Variants in TULP4 observed in about 807,000 individuals in gnomAD.
The protein encoded by TULP4 is TUB like protein 4.
In TULP4, 16 loss-of-function variants were observed where a neutral mutation model predicts 129.0. That is an observed-to-expected ratio of 0.12 (90% confidence interval 0.08 to 0.19). TULP4 has a LOEUF of 0.19. TULP4 is among the 10% of genes least tolerant of loss of function. The pLI, the probability that TULP4 is intolerant of heterozygous loss-of-function variation, is 1.00. For synonymous variants in TULP4, 998 were observed against 854.0 expected (o/e 1.17, Z -2.94); for missense variants, 1,842 against 2,059.1 (o/e 0.89, Z 2.04).
upstream of TULP4, among the ~76,000 whole-genome samples, chr6:158,279,655 G>T (rs940627026): frequency 2.0e-5 from 3 of 152,152 alleles, no homozygotes; most frequent in African/African-American, 7.2e-5. Context: ...AGAAAATGGA[G>T]ACTCTCTCTC....
chr6:158,344,404 T>G (rs1452534149), intron 1 of TULP4, among the ~76,000 whole-genome samples: 1 of 152,226 alleles, frequency 6.6e-6, no homozygotes, highest in East Asian at 1.9e-4. Flanking sequence ...ATAGTGTGTT[T>G]TTTACAAATT....
Position 158,391,094 on chromosome 6 carries a change from G to A in TULP4, c.253-21971G>A, listed in dbSNP as rs79828407. Reference sequence around the variant, plus strand: ...CAACTCTAAAAAATAATAATAATAAGATGAAAATGAAGAAATAAAATGAAA... The same window carrying A: ...CAACTCTAAAAAATAATAATAATAAAATGAAAATGAAGAAATAAAATGAAA... On this transcript the variant is annotated intron_variant, in intron 1 of 13. Coordinates refer to ENST00000367097, the MANE Select transcript of TULP4 (RefSeq NM_020245.5). Among the ~76,000 whole-genome samples, 557 of 152,146 alleles carry A rather than the reference G, an allele frequency of 3.7e-3. 3 individuals are homozygous for A. The highest frequency in any genetic ancestry group is 0.013 in the African/African-American group (527 of 41,494).
chr6:158,504,185 C>T lies in TULP4; in HGVS notation c.4515+7C>T. On this transcript the variant is annotated splice_region_variant and intron_variant, in intron 13 of 13. Coordinates refer to ENST00000367097, the MANE Select transcript of TULP4 (RefSeq NM_020245.5). Reference sequence around the variant, plus strand: ...TGAGTTAGAGGGGCGGCAGGTAAGACCTCAGACCAGGTGGCGCTGCGAGCC... The same window carrying T: ...TGAGTTAGAGGGGCGGCAGGTAAGATCTCAGACCAGGTGGCGCTGCGAGCC... 6.4e-7 allele frequency: 1 copy of T among 1,558,868 alleles called. No homozygotes were observed. The highest frequency in any genetic ancestry group is 1.2e-5 in the South Asian group (1 of 84,632).
At chr6:158,403,507 T>G (rs370657751) in intron 1 of TULP4, among the ~76,000 whole-genome samples, 3 of 152,288 alleles carry the variant, frequency 2.0e-5, no homozygotes, top group African/African-American at 7.2e-5. Context: ...GCCCGGCTAA[T>G]TTTTGTATTT....
At chr6:158,373,915 T>C (rs1248831843) in intron 1 of TULP4, among the ~76,000 whole-genome samples, 6 of 152,134 alleles carry the variant, frequency 3.9e-5, no homozygotes, top group Admixed American at 3.9e-4. Flanking sequence ...ACCTTACTAA[T>C]GAGAATAGGG....
chr6:158,506,222 CTTTTTTTTTTTTTT>C lies in TULP4; in HGVS notation c.4516-341_4516-328del, dbSNP rs61292138. 8.8e-4 allele frequency among the ~76,000 whole-genome samples: 49 copies of C among 55,502 alleles called. 1 individual carries two copies. Among genetic ancestry groups the C allele is most frequent in the Non-Finnish European group, 1.3e-3 (38 of 30,222 alleles). 36.4% of individuals were successfully genotyped at this position (55,502 alleles called of 152,430 possible). On this transcript the variant is annotated intron_variant, in intron 13 of 13. Transcript: ENST00000367097. ...CGGCTGTCGCCTTGCTCGCCTTGTT[CTTTTTTTTTTTTTT>C]TTTTTTTTTTTTTTGAGATGAAGTC...
chr6:158,244,809 T>C (rs565316378), intron 1 of TULP4, among the ~76,000 whole-genome samples: 6 of 152,218 alleles, frequency 3.9e-5, no homozygotes, highest in African/African-American at 1.2e-4. Flanking sequence ...CTGGGCAACA[T>C]AGCGAGACTT....
chr6:158,451,253 C>A (rs1363651312), intron 4 of TULP4, among the ~76,000 whole-genome samples: 1 of 152,168 alleles, frequency 6.6e-6, no homozygotes, highest in Admixed American at 6.5e-5. Flanking sequence ...TCACCTTTCA[C>A]GTGCAACAGG....
intron 1 of TULP4, among the ~76,000 whole-genome samples, chr6:158,275,684 C>G (rs1298026301): frequency 6.6e-6 from 1 of 151,996 alleles, no homozygotes; most frequent in Non-Finnish European, 1.5e-5. Flanking sequence ...AGCATGGAGC[C>G]CAAGGAAATA....
intron 1 of TULP4, among the ~76,000 whole-genome samples, chr6:158,402,888 GTTT>G (rs34604658): frequency 0.025 from 3,158 of 127,936 alleles, 106 homozygotes; most frequent in African/African-American, 0.083. Flanking sequence ...GGCTTTGGGA[GTTT>G]TTTTTTTTTT....
chr6:158,490,748 CAT>C (rs1780180618), intron 9 of TULP4, among the ~76,000 whole-genome samples: 1 of 151,930 alleles, frequency 6.6e-6, no homozygotes, highest in South Asian at 2.1e-4. Context: ...TCTTAAACTT[CAT>C]ATGATATGTC....
intron 1 of TULP4, among the ~76,000 whole-genome samples, chr6:158,248,640 C>T (rs900751198): frequency 1.3e-5 from 2 of 152,016 alleles, no homozygotes; most frequent in African/African-American, 2.4e-5. Context: ...ACTCGGAGGC[C>T]TGAGGTGGGA....
intron 1 of TULP4, among the ~76,000 whole-genome samples, chr6:158,256,585 A>T (rs553832100): frequency 6.6e-6 from 1 of 152,178 alleles, no homozygotes; most frequent in Admixed American, 6.5e-5. Context: ...ACTTTTTAGC[A>T]TTTCCAAAAG....
rs1410271810 is a variant in TULP4 at position 158,493,205 on chromosome 6, G to T, written c.1632-368G>T. Among the ~76,000 whole-genome samples, 3 of 152,094 alleles carry T rather than the reference G, an allele frequency of 2.0e-5. No homozygotes were observed. The East Asian group carries it at 5.8e-4, about 29-fold the overall frequency. ...GTATACTAAGTATATTTTGAGATGG[G>T]GTCTTGCTCTGTCATCCAGGCTCAA... On this transcript the variant is annotated intron_variant, in intron 9 of 13. Transcript: ENST00000367097. This position sits in a 1 kb window ranked among gnomAD's most constrained non-coding sequence, Gnocchi z 4.4.
chr6:158,253,764 G>A (rs1778190535), intron 1 of TULP4, among the ~76,000 whole-genome samples: 1 of 152,164 alleles, frequency 6.6e-6, no homozygotes, highest in African/African-American at 2.4e-5. Context: ...GCCGAGCATG[G>A]TGGCTCATGC....
At chr6:158,446,545 C>A (rs1232080860) in intron 3 of TULP4, among the ~76,000 whole-genome samples, 3 of 152,188 alleles carry the variant, frequency 2.0e-5, no homozygotes, top group Admixed American at 2.0e-4. Context: ...AATGCAGAGT[C>A]ATTTCCTCCC....
At chr6:158,420,672 C>T (rs1351203523) in intron 2 of TULP4, among the ~76,000 whole-genome samples, 5 of 151,632 alleles carry the variant, frequency 3.3e-5, no homozygotes, top group Non-Finnish European at 1.5e-5. Context: ...TTAGTAGAGA[C>T]GAGGTTTCAC....
intron 3 of TULP4, among the ~76,000 whole-genome samples, chr6:158,431,638 G>A (rs1778631323): frequency 6.6e-6 from 1 of 152,180 alleles, no homozygotes; most frequent in African/African-American, 2.4e-5. Context: ...GGAAGGGCTG[G>A]CTGTGACTCC....
intron 8 of TULP4, among the ~76,000 whole-genome samples, chr6:158,488,056 G>A (rs75677647): frequency 0.019 from 2,881 of 152,178 alleles, 34 homozygotes; most frequent in Non-Finnish European, 0.029. Context: ...ACTTGAGTCC[G>A]GGGGTTTAAG....
Sources: gnomAD v4.1 joint callset for allele counts (sites outside exome capture counted in the v4.1 genomes callset) on GRCh38, gnomAD v4.1.1 for gene constraint, Gnocchi (gnomAD v3.1) non-coding constraint, MANE v1.5 for transcripts, NCBI Gene and HGNC (gene_info 2026-07-23, HGNC 2026-07-21) for gene names.